LIN54: variants seen among roughly 807,000 people sequenced by gnomAD.
LIN54 encodes the protein protein lin-54 homolog.
In LIN54, 9 loss-of-function variants were observed where a neutral mutation model predicts 78.7. The ratio of observed to expected loss-of-function variants is 0.11; its 90% CI spans 0.07 to 0.20. The LOEUF is 0.20. LIN54 is among the 10% of genes least tolerant of loss of function. The pLI is 1.00. For missense variants in LIN54, 573 were observed against 889.9 expected, an observed-to-expected ratio of 0.64 and a Z score of 4.53; for synonymous variants, 269 against 318.4, an observed-to-expected ratio of 0.84 and a Z score of 1.65.
chr4:82,930,216 T>G (rs1200829122), intron 12 of LIN54, among the ~76,000 whole-genome samples: 1 of 152,210 alleles, frequency 6.6e-6, no homozygotes, highest in East Asian at 1.9e-4. Context: ...GCATTTTAAA[T>G]AATATGCCAT....
rs768514444 is a variant in LIN54 at position 82,984,747 on chromosome 4, A to G, written c.98T>C (p.Ile33Thr). The change falls in exon 2 of 13, where the codon ATT (isoleucine) becomes ACT (threonine). Residue 33 changes from isoleucine to threonine, a missense_variant. By Grantham distance (89) the Ile-to-Thr change is moderately conservative (BLOSUM62 -1). Coordinates refer to ENST00000340417, the MANE Select transcript of LIN54 (RefSeq NM_194282.4). ...CTCCATGGGAATTGGGGATGAAACA[A>G]TAACAGCCTCAATACTATCATCATC... ...LVDDDSIEAV[I>T]VSSPIPMETE... The G allele has an allele frequency of 1.2e-6, 2 of 1,613,988 alleles. No homozygotes were observed. Among genetic ancestry groups the G allele is most frequent in the African/African-American group, 1.3e-5 (1 of 74,916 alleles).
At chr4:83,000,478 G>C (rs1257250355) in intron 1 of LIN54, among the ~76,000 whole-genome samples, 6 of 152,082 alleles carry the variant, frequency 3.9e-5, no homozygotes, top group Admixed American at 3.9e-4. Flanking sequence ...TTCTGGATTG[G>C]GTCCATCAGT....
intron 1 of LIN54, among the ~76,000 whole-genome samples, chr4:82,986,536 T>C (rs1329794791): frequency 6.6e-6 from 1 of 151,046 alleles, no homozygotes; most frequent in East Asian, 2.0e-4. Flanking sequence ...AAACCCCGTC[T>C]CAACTAAAAA....
intron 3 of LIN54, among the ~76,000 whole-genome samples, chr4:82,972,879 G>A (rs563501800): frequency 2.7e-5 from 4 of 150,700 alleles, no homozygotes; most frequent in African/African-American, 9.8e-5. Flanking sequence ...TACTCGGGAG[G>A]CAGAGGTTGC....
intron 4 of LIN54, among the ~76,000 whole-genome samples, chr4:82,961,035 G>A (rs1172728295): frequency 1.3e-5 from 2 of 152,034 alleles, no homozygotes; most frequent in Non-Finnish European, 2.9e-5. Flanking sequence ...ACTCCAGCCT[G>A]GGTGACAGAG....
chr4:82,984,003 A>G (rs13137759), intron 2 of LIN54, among the ~76,000 whole-genome samples, 158 bp downstream of exon 2: 27,968 of 152,224 alleles, frequency 0.18, 2,746 homozygotes, highest in South Asian at 0.32. Flanking sequence ...AGCATTAGAC[A>G]TATCAAACTT....
intron 4 of LIN54, among the ~76,000 whole-genome samples, chr4:82,948,335 G>A (rs559395252): frequency 6.7e-4 from 102 of 152,268 alleles, no homozygotes; most frequent in African/African-American, 2.3e-3. Flanking sequence ...ACCACACTAT[G>A]AGGTAGTTAT....
intron 5 of LIN54, among the ~76,000 whole-genome samples, chr4:82,942,108 T>C (rs1722949254): frequency 2.0e-5 from 3 of 150,638 alleles, no homozygotes; most frequent in Middle Eastern, 3.4e-3. Flanking sequence ...TTTCCTTAGA[T>C]AGAAAGGCTA....
intron 1 of LIN54, among the ~76,000 whole-genome samples, chr4:82,997,187 C>G (rs1047157456): frequency 2.0e-5 from 3 of 151,994 alleles, no homozygotes; most frequent in Non-Finnish European, 2.9e-5. Flanking sequence ...GGAGTGTCAC[C>G]TAAACTGTAG....
intron 4 of LIN54, among the ~76,000 whole-genome samples, chr4:82,959,841 A>G (rs1053541857): frequency 3.9e-5 from 6 of 152,124 alleles, no homozygotes; most frequent in African/African-American, 1.4e-4. Context: ...TATTGTAATA[A>G]TATATTAATA....
intron 1 of LIN54, among the ~76,000 whole-genome samples, chr4:82,994,206 T>C (rs897585857): frequency 1.3e-5 from 2 of 152,232 alleles, no homozygotes; most frequent in Middle Eastern, 3.4e-3. Flanking sequence ...ACATGGATAA[T>C]AAAGAAGTGT....
rs780125139 is a variant in LIN54, at chr4:82,938,428, C to T, written c.1517G>A (p.Arg506Gln). 17 of 1,604,938 alleles carry T rather than the reference C, an allele frequency of 1.1e-5. No homozygotes were observed. The highest frequency in any genetic ancestry group is 2.2e-5 in the South Asian group (2 of 90,862). ...TGTSGIQTQA[R>Q]LPFNGIIPSE... The stretch of plus-strand genomic sequence containing the variant: ...AAATACTCACCCATTGAATGGAAGC[C>T]GTGCCTGGGTCTGGATACCAGATGT... The change falls in exon 8 of 13, where the codon CGG becomes CAG. Residue 506 changes from arginine (R) to glutamine (Q), a missense_variant. Physicochemically the swap from Arg to Gln is conservative, Grantham distance 43. This residue lies in a region of LIN54 where 101 missense variants were observed against 194.2 expected (regional missense o/e 0.52). Transcript: ENST00000340417.
At chr4:82,956,084 C>T (rs1724301352) in intron 4 of LIN54, among the ~76,000 whole-genome samples, 1 of 152,044 alleles carries the variant, frequency 6.6e-6, no homozygotes, top group Non-Finnish European at 1.5e-5. Flanking sequence ...GCCTTGCCTC[C>T]CAAGTAGCAC....
chr4:82,991,093 C>T (rs189233195), intron 1 of LIN54, among the ~76,000 whole-genome samples: 287 of 137,044 alleles, frequency 2.1e-3, no homozygotes, highest in African/African-American at 7.4e-3. Context: ...GCCAGAAGTT[C>T]AAGGCTGCAG....
chr4:82,926,633 A>G lies in LIN54; in HGVS notation c.*1469T>C, dbSNP rs984408014. 6.6e-6 allele frequency: 1 copy of G among 152,216 alleles called. No homozygotes were observed. The highest frequency in any genetic ancestry group is 1.5e-5 in the Non-Finnish European group (1 of 68,030). 9.4% of individuals were successfully genotyped at this position (152,216 alleles called of 1,614,324 possible). ...ATAAAATCAAGAGTCCTGTCACAAC[A>G]GGCTCTTAAATTCATAGAGTTTTTG... On this transcript the variant is annotated 3_prime_UTR_variant, in exon 13 of 13. Transcript: ENST00000340417.
At chr4:83,008,579 G>A (rs1454853671) in intron 1 of LIN54, among the ~76,000 whole-genome samples, 1 of 152,196 alleles carries the variant, frequency 6.6e-6, no homozygotes, top group African/African-American at 2.4e-5. Flanking sequence ...GTGAACCCAG[G>A]ACGCGGAGCT....
intron 1 of LIN54, among the ~76,000 whole-genome samples, chr4:83,002,387 G>C (rs1439322839): frequency 1.3e-5 from 2 of 150,022 alleles, no homozygotes; most frequent in Non-Finnish European, 3.0e-5. Flanking sequence ...GCAAGGGTGA[G>C]GGAGGAAGGA....
intron 5 of LIN54, among the ~76,000 whole-genome samples, chr4:82,940,993 C>T (rs1722815014): frequency 6.6e-6 from 1 of 152,060 alleles, no homozygotes; most frequent in South Asian, 2.1e-4. Flanking sequence ...ACTGCTGCTA[C>T]TATATAAATG....
chr4:82,981,919 A>C lies in LIN54; in HGVS notation c.684+2242T>G, dbSNP rs1013296869. 2.6e-5 allele frequency among the ~76,000 whole-genome samples: 4 copies of C among 152,264 alleles called. 1 individual carries two copies. Among genetic ancestry groups the C allele is most frequent in the Admixed American group, 2.6e-4 (4 of 15,288 alleles). ...TGTGGTGGTTTGCATCTGTAGTCCCAGCTACTTGGGAGGCTGACGTGGGAG... is the reference window on the plus strand; with the variant it reads ...TGTGGTGGTTTGCATCTGTAGTCCCCGCTACTTGGGAGGCTGACGTGGGAG... On this transcript the variant is annotated intron_variant, in intron 2 of 12. Coordinates refer to ENST00000340417, the MANE Select transcript of LIN54 (RefSeq NM_194282.4).
Sources: allele counts gnomAD v4.1 joint callset (sites outside exome capture counted in the v4.1 genomes callset), GRCh38; gene constraint gnomAD v4.1.1; regional missense constraint gnomAD v4.1.1; transcripts MANE v1.5; gene names NCBI Gene and HGNC (gene_info 2026-07-23, HGNC 2026-07-21).